The following GOLGA4 variants were observed in gnomAD, a reference collection of about 807,000 sequenced individuals.
GOLGA4 encodes golgin subfamily A member 4.
In GOLGA4, 169 loss-of-function variants were observed where a neutral mutation model predicts 265.9. The observed-to-expected ratio is 0.64, with a 90% CI of 0.56 to 0.72. GOLGA4 has a LOEUF of 0.72. GOLGA4 is among the 30% of genes least tolerant of loss of function. GOLGA4 has a pLI of 0.00. For missense variants in GOLGA4, 2,482 were observed against 2,483.4 expected (o/e 1.00, Z 0.01); for synonymous variants, 923 against 855.8 (o/e 1.08, Z -1.37).
Position 37,324,144 on chromosome 3 carries a change from C to CA in GOLGA4, c.2259dup (p.Leu754IlefsTer6). The stretch of plus-strand genomic sequence containing the variant: ...GTATCTATCCAGAGGACTGAGAAGG[C>CA]ATTAAAAGATCAAATTAATCAACTT... On this transcript the variant is annotated frameshift_variant, in exon 14 of 24. Coordinates refer to ENST00000361924, the MANE Select transcript of GOLGA4 (RefSeq NM_002078.5). LOFTEE classifies it high-confidence loss of function. 2.5e-6 allele frequency: 4 copies of CA among 1,613,718 alleles called. No homozygotes were observed. The highest frequency in any genetic ancestry group is 3.4e-6 in the Non-Finnish European group (4 of 1,179,688).
chr3:37,301,359 C>T (rs1272068631), intron 9 of GOLGA4, among the ~76,000 whole-genome samples: 1 of 152,088 alleles, frequency 6.6e-6, no homozygotes, highest in African/African-American at 2.4e-5. Context: ...AGTGGTGGTA[C>T]CAGAGACAGT....
intron 11 of GOLGA4, among the ~76,000 whole-genome samples, chr3:37,317,399 A>G (rs1307102941): frequency 6.6e-6 from 1 of 152,058 alleles, no homozygotes; most frequent in African/African-American, 2.4e-5. Context: ...TGAACTCCTG[A>G]TCTCAGGTGA....
intron 2 of GOLGA4, among the ~76,000 whole-genome samples, chr3:37,270,733 A>G (rs1264004935): frequency 6.6e-6 from 1 of 152,108 alleles, no homozygotes; most frequent in Admixed American, 6.6e-5. Flanking sequence ...AATTGTCCCC[A>G]ACCTTTTTGG....
At position 37,329,012 on chromosome 3, in the gene GOLGA4, G is replaced by T; in HGVS notation, c.6111G>T (p.Glu2037Asp). The change falls in exon 16 of 24, where the codon GAG becomes GAT. Residue 2037 changes from glutamate to aspartate, a missense_variant. By Grantham distance (45) the Glu-to-Asp change is conservative. Coordinates refer to ENST00000361924, the MANE Select transcript of GOLGA4 (RefSeq NM_002078.5). ...AACTTTTAGAAAGCCATCAAGAAGA[G>T]ACAAATCAGTTACTTAAAAAAATTG... ...EAELLESHQE[E>D]TNQLLKKIAE... 1 of 1,610,570 alleles carries T rather than the reference G, an allele frequency of 6.2e-7. No individual in the cohort carries two copies. The highest frequency in any genetic ancestry group is 1.7e-4 in the Middle Eastern group (1 of 6,036).
At chr3:37,249,395 A>G (rs1182934122) in intron 1 of GOLGA4, among the ~76,000 whole-genome samples, 2 of 151,690 alleles carry the variant, frequency 1.3e-5, no homozygotes, top group East Asian at 1.9e-4. Context: ...ACTTTATTTC[A>G]CATTGATTGA....
chr3:37,350,809 A>G (rs1036717533), intron 21 of GOLGA4, among the ~76,000 whole-genome samples: 14 of 152,228 alleles, frequency 9.2e-5, no homozygotes, highest in Non-Finnish European at 2.1e-4. Context: ...TTTGTCTCAA[A>G]AAAGTATATA....
At chr3:37,248,102 G>C (rs1036049084) in intron 1 of GOLGA4, among the ~76,000 whole-genome samples, 3 of 152,230 alleles carry the variant, frequency 2.0e-5, no homozygotes, top group South Asian at 4.2e-4. Flanking sequence ...GTCATTTGGG[G>C]TCATCTTACA....
At chr3:37,297,044 T>C (rs2096880355) in intron 7 of GOLGA4, among the ~76,000 whole-genome samples, 1 of 152,264 alleles carries the variant, frequency 6.6e-6, no homozygotes, top group African/African-American at 2.4e-5. Context: ...ATTGTTTGGA[T>C]ATTTTAGTTT....
chr3:37,339,914 C>T (rs2097027244), intron 19 of GOLGA4, among the ~76,000 whole-genome samples: 1 of 151,114 alleles, frequency 6.6e-6, no homozygotes, highest in African/African-American at 2.4e-5. Context: ...TTCTTTTATT[C>T]TGTGTTCTTT....
intron 12 of GOLGA4, among the ~76,000 whole-genome samples, chr3:37,321,318 G>C (rs899653977): frequency 6.6e-6 from 1 of 152,108 alleles, no homozygotes; most frequent in Non-Finnish European, 1.5e-5. Flanking sequence ...GATTTTCCTT[G>C]TGGGGTCTCT....
intron 2 of GOLGA4, chr3:37,275,842 T>C: frequency 1.9e-6 from 3 of 1,613,786 alleles, no homozygotes; most frequent in Non-Finnish European, 1.7e-6. Flanking sequence ...GAATGTCAGT[T>C]AATGCTATTC....
intron 10 of GOLGA4, among the ~76,000 whole-genome samples, chr3:37,309,020 G>T (rs113017204): frequency 0.039 from 5,871 of 151,954 alleles, 231 homozygotes; most frequent in African/African-American, 0.1. Context: ...GGAGGCCGAG[G>T]TGGGTGGATC....
At position 37,327,153 on chromosome 3, in the gene GOLGA4, G is replaced by A; in HGVS notation, c.5267G>A (p.Gly1756Glu). The A allele has an allele frequency of 1.2e-6, 2 of 1,613,688 alleles. No individual in the cohort carries two copies. Among genetic ancestry groups the A allele is most frequent in the Non-Finnish European group, 1.7e-6 (2 of 1,179,772 alleles). Residue 1756 changes from glycine (G) to glutamate (E), a missense_variant, in exon 14 of 24, where the codon GGG (glycine) becomes GAG (glutamate). By Grantham distance (98) the Gly-to-Glu change is moderately conservative (BLOSUM62 -2). This residue lies in a region of GOLGA4 where 942 missense variants were observed against 983.1 expected (regional missense o/e 0.96). Coordinates refer to ENST00000361924, the MANE Select transcript of GOLGA4 (RefSeq NM_002078.5). ...AAAGAAAAGCTATTGCAGAGGGTAGGGCAGGAAAAAGAAGAGACAGTTTCT... is the reference window on the plus strand; with the variant it reads ...AAAGAAAAGCTATTGCAGAGGGTAGAGCAGGAAAAAGAAGAGACAGTTTCT... ...TEKEKLLQRV[G>E]QEKEETVSSH... is the part of the protein sequence containing the mutation.
At position 37,326,634 on chromosome 3, in the gene GOLGA4, C is replaced by T. The variant is rs2096971888; in HGVS notation, c.4748C>T (p.Ala1583Val). Reference sequence around the variant, plus strand: ...GAAAAGGACAACAGGGTTAAAGAAGCTGAAGAAAAAATCTTAACACTTGAA... The same window carrying T: ...GAAAAGGACAACAGGGTTAAAGAAGTTGAAGAAAAAATCTTAACACTTGAA... ...GEEKDNRVKE[A>V]EEKILTLENQ... Residue 1583 changes from alanine (A) to valine (V), a missense_variant, in exon 14 of 24, where the codon GCT becomes GTT. Ala to Val is a moderately conservative substitution (Grantham distance 64). Coordinates refer to ENST00000361924, the MANE Select transcript of GOLGA4 (RefSeq NM_002078.5). 1.2e-6 allele frequency: 2 copies of T among 1,611,452 alleles called. No homozygotes were observed. The highest frequency in any genetic ancestry group is 2.7e-5 in the African/African-American group (2 of 74,824).
At chr3:37,362,780 CTTTT>C (rs71094906) in intron 23 of GOLGA4, among the ~76,000 whole-genome samples, 4 of 75,458 alleles carry the variant, frequency 5.3e-5, no homozygotes, top group African/African-American at 1.0e-4. Flanking sequence ...AGCCTCTAAG[CTTTT>C]TTTTTTTTTT....
chr3:37,251,419 A>T lies in GOLGA4; in HGVS notation c.97A>T (p.Thr33Ser). 6.2e-7 allele frequency: 1 copy of T among 1,612,322 alleles called. No homozygotes were observed. Among genetic ancestry groups the T allele is most frequent in the Non-Finnish European group, 8.5e-7 (1 of 1,178,350 alleles). Residue 33 changes from threonine (T) to serine (S), a missense_variant, in exon 2 of 24, where the codon ACA (threonine) becomes TCA (serine). Physicochemically the swap from Thr to Ser is moderately conservative, Grantham distance 58. Transcript: ENST00000361924. ...GGCGTCCTCCAATTCTTCAACACCAACAAGAATGAGGAGCAGGACATCTTC... is the reference window on the plus strand; with the variant it reads ...GGCGTCCTCCAATTCTTCAACACCATCAAGAATGAGGAGCAGGACATCTTC... ...AQASSNSSTP[T>S]RMRSRTSSFT...
At position 37,334,205 on chromosome 3, in the gene GOLGA4, G is replaced by A. The variant is rs550153542; in HGVS notation, c.6193-848G>A. 1.1e-4 allele frequency among the ~76,000 whole-genome samples: 17 copies of A among 152,224 alleles called. No individual in the cohort carries two copies. In the South Asian group the frequency reaches 3.3e-3, roughly 30 times the overall value. The stretch of plus-strand genomic sequence containing the variant: ...AGGATGGAAAACAGCCTTTTACCAG[G>A]GCAGTCAAGACAAGAGAGGACAATT... On this transcript the variant is annotated intron_variant, in intron 16 of 23. Transcript: ENST00000361924.
At chr3:37,356,257 G>A (rs1032717569) in intron 22 of GOLGA4, among the ~76,000 whole-genome samples, 2 of 152,062 alleles carry the variant, frequency 1.3e-5, no homozygotes, top group African/African-American at 4.8e-5. Context: ...AGCCTTTTAT[G>A]AAGTTCCTCT....
At chr3:37,355,619 G>A (rs1364858962) in intron 22 of GOLGA4, among the ~76,000 whole-genome samples, 2 of 152,024 alleles carry the variant, frequency 1.3e-5, no homozygotes, top group Admixed American at 1.3e-4. Flanking sequence ...AAGAATTTAA[G>A]CATTCTTGAG....
Sources: allele counts gnomAD v4.1 joint callset (sites outside exome capture counted in the v4.1 genomes callset), GRCh38; gene constraint gnomAD v4.1.1; regional missense constraint gnomAD v4.1.1; transcripts MANE v1.5; gene names NCBI Gene and HGNC (gene_info 2026-07-23, HGNC 2026-07-21).